NELL1: variants seen among roughly 807,000 people sequenced by gnomAD.
NELL1 encodes neural EGFL like 1, also known as protein kinase C-binding protein NELL1.
Under a neutral mutation model 107.4 loss-of-function variants are expected in NELL1, and 76 were observed. The observed-to-expected ratio is 0.71, with a 90% CI of 0.59 to 0.86. The LOEUF (loss-of-function observed/expected upper bound fraction) is 0.86, where lower values mean the gene tolerates loss of function less well. Among genes scored for constraint, NELL1 ranks in the 40% least tolerant of loss-of-function variants. NELL1 has a pLI of 0.00. For synonymous variants in NELL1, 353 were observed against 341.2 expected, an observed-to-expected ratio of 1.03 and a Z score of -0.38; for missense variants, 1,024 against 1,005.5, an observed-to-expected ratio of 1.02 and a Z score of -0.25.
At chr11:21,489,288 A>C (rs557764227) in intron 15 of NELL1, among the ~76,000 whole-genome samples, 2 of 149,698 alleles carry the variant, frequency 1.3e-5, no homozygotes, top group South Asian at 2.1e-4. Flanking sequence ...AGTAATATAA[A>C]GTCTCCTAAC....
chr11:21,481,777 G>T (rs1226978677), intron 15 of NELL1, among the ~76,000 whole-genome samples: 1 of 152,150 alleles, frequency 6.6e-6, no homozygotes, highest in East Asian at 1.9e-4. Context: ...GCCCAAAACA[G>T]AACTGACTCC....
intron 4 of NELL1, among the ~76,000 whole-genome samples, chr11:20,864,990 C>T (rs1849066981): frequency 6.6e-6 from 1 of 152,182 alleles, no homozygotes; most frequent in African/African-American, 2.4e-5. Flanking sequence ...TTACTAGTCT[C>T]CTTGACCTTG....
intron 15 of NELL1, among the ~76,000 whole-genome samples, chr11:21,493,107 C>A (rs1448847793): frequency 1.3e-5 from 2 of 151,898 alleles, no homozygotes; most frequent in East Asian, 3.9e-4. Flanking sequence ...AGTGAGTATG[C>A]AGAGAAAAGG....
intron 5 of NELL1, among the ~76,000 whole-genome samples, chr11:20,899,607 T>C (rs763916248): frequency 1.3e-5 from 2 of 151,838 alleles, no homozygotes; most frequent in Non-Finnish European, 2.9e-5. Context: ...AGGAATGAAA[T>C]AGTAAGCATG....
chr11:21,042,965 G>T (rs1853271875), intron 12 of NELL1, among the ~76,000 whole-genome samples: 1 of 152,020 alleles, frequency 6.6e-6, no homozygotes, highest in South Asian at 2.1e-4. Flanking sequence ...GACATAGAAT[G>T]AATAGCAATT....
At chr11:21,314,841 G>T (rs1295412721) in intron 14 of NELL1, among the ~76,000 whole-genome samples, 4 of 152,004 alleles carry the variant, frequency 2.6e-5, no homozygotes, top group African/African-American at 9.7e-5. Flanking sequence ...CTGGAAGAAA[G>T]TGCAGTGGAT....
intron 2 of NELL1, among the ~76,000 whole-genome samples, chr11:20,764,145 A>G (rs1856482062): frequency 6.6e-6 from 1 of 152,222 alleles, no homozygotes; most frequent in Non-Finnish European, 1.5e-5. Flanking sequence ...CAAGGCACAC[A>G]CACTTATTCA....
intron 12 of NELL1, among the ~76,000 whole-genome samples, chr11:21,025,359 G>T (rs1028190420): frequency 6.6e-6 from 1 of 151,960 alleles, no homozygotes; most frequent in East Asian, 1.9e-4. Flanking sequence ...GGGACAGCAA[G>T]GTTAAGTAAC....
intron 13 of NELL1, among the ~76,000 whole-genome samples, chr11:21,212,787 C>T (rs1286313067): frequency 1.3e-5 from 2 of 152,132 alleles, no homozygotes; most frequent in African/African-American, 4.8e-5. Flanking sequence ...ATGCTTTTCT[C>T]CTAAATTTGG....
chr11:20,846,381 G>A (rs1848702071), intron 3 of NELL1, among the ~76,000 whole-genome samples: 1 of 152,154 alleles, frequency 6.6e-6, no homozygotes, highest in Non-Finnish European at 1.5e-5. Flanking sequence ...GATGCATTTT[G>A]TCTTTTAGAT....
At chr11:20,874,855 C>T (rs1006300227) in intron 4 of NELL1, among the ~76,000 whole-genome samples, 1 of 152,224 alleles carries the variant, frequency 6.6e-6, no homozygotes, top group Admixed American at 6.5e-5. Context: ...AATTCCTCTT[C>T]TACACGATGG....
intron 11 of NELL1, among the ~76,000 whole-genome samples, chr11:20,952,920 C>T (rs1432073588): frequency 3.9e-5 from 6 of 152,150 alleles, no homozygotes; most frequent in African/African-American, 1.4e-4. Flanking sequence ...GGAGTTCAGT[C>T]TCTATTAGGC....
chr11:21,317,861 A>G (rs1849914985), intron 14 of NELL1, among the ~76,000 whole-genome samples: 1 of 152,184 alleles, frequency 6.6e-6, no homozygotes, highest in East Asian at 1.9e-4. Flanking sequence ...AGATCATTTG[A>G]TTATAAACTT....
chr11:21,059,159 A>G (rs1853677229), intron 12 of NELL1, among the ~76,000 whole-genome samples: 1 of 151,902 alleles, frequency 6.6e-6, no homozygotes, highest in Admixed American at 6.6e-5. Flanking sequence ...AGAGGTTTAC[A>G]TATGTTTCAC....
At position 21,117,707 on chromosome 11, in the gene NELL1, C is replaced by T. The variant is rs577544831; in HGVS notation, c.1426+3993C>T. ...TTTGTCTATCTCTGATCAACAGAGGCGTTCTGCATACCATATTCACTTTGG... is the reference window on the plus strand; with the variant it reads ...TTTGTCTATCTCTGATCAACAGAGGTGTTCTGCATACCATATTCACTTTGG... On this transcript the variant is annotated intron_variant, in intron 13 of 19. Coordinates refer to ENST00000357134, the MANE Select transcript of NELL1 (RefSeq NM_006157.5). Among the ~76,000 whole-genome samples the T allele has an allele frequency of 1.5e-4, 23 of 152,058 alleles. No individual in the cohort carries two copies. In the South Asian group the frequency reaches 2.9e-3, roughly 19 times the overall value.
intron 15 of NELL1, among the ~76,000 whole-genome samples, chr11:21,432,422 T>G (rs112095353): frequency 6.6e-6 from 1 of 152,212 alleles, no homozygotes; most frequent in African/African-American, 2.4e-5. Flanking sequence ...ATTAATTTAT[T>G]GATTCTCCAC....
intron 4 of NELL1, among the ~76,000 whole-genome samples, chr11:20,880,108 G>A (rs117044187): frequency 0.031 from 4,668 of 152,226 alleles, 104 homozygotes; most frequent in Non-Finnish European, 0.046. Flanking sequence ...GATAATTGTC[G>A]AAATGTATGG....
intron 4 of NELL1, among the ~76,000 whole-genome samples, chr11:20,882,145 T>A (rs1270132324): frequency 6.6e-6 from 1 of 152,218 alleles, no homozygotes; most frequent in Non-Finnish European, 1.5e-5. Flanking sequence ...GATTCTGATT[T>A]TACTTTGGCT....
At chr11:20,875,000 A>G (rs1283981550) in intron 4 of NELL1, among the ~76,000 whole-genome samples, 1 of 152,140 alleles carries the variant, frequency 6.6e-6, no homozygotes, top group African/African-American at 2.4e-5. Context: ...ATTCCTTCTG[A>G]AGTATGTCTG....
Sources: allele counts gnomAD v4.1 joint callset (sites outside exome capture counted in the v4.1 genomes callset), GRCh38; gene constraint gnomAD v4.1.1; transcripts MANE v1.5; gene names NCBI Gene and HGNC (gene_info 2026-07-23, HGNC 2026-07-21).